CBFA2T3: variants seen among roughly 807,000 people sequenced by gnomAD.
The protein encoded by CBFA2T3 is transcriptional corepressor CBFA2T3.
Under a neutral mutation model 58.6 loss-of-function variants are expected in CBFA2T3, and 31 were observed. That is an observed-to-expected ratio of 0.53 (90% CI 0.40 to 0.71). The LOEUF is 0.71. CBFA2T3 is among the 30% of genes least tolerant of loss of function. The pLI is 0.00. For missense variants in CBFA2T3, 1,076 were observed against 963.1 expected (o/e 1.12, Z -1.55); for synonymous variants, 531 against 421.9 (o/e 1.26, Z -3.17).
intron 1 of CBFA2T3, among the ~76,000 whole-genome samples, chr16:88,906,330 G>A (rs530076015): frequency 4.6e-5 from 7 of 152,122 alleles, no homozygotes; most frequent in African/African-American, 7.2e-5. Flanking sequence ...GACCCACTTC[G>A]AGGCTCGGAG....
intron 1 of CBFA2T3, among the ~76,000 whole-genome samples, chr16:88,926,366 G>C (rs555493422): frequency 6.6e-6 from 1 of 152,212 alleles, no homozygotes; most frequent in East Asian, 1.9e-4. Flanking sequence ...CAAGCGCTCC[G>C]AGGGACCTGG....
chr16:88,883,107 C>G (rs1218396102), intron 7 of CBFA2T3, among the ~76,000 whole-genome samples: 1 of 152,168 alleles, frequency 6.6e-6, no homozygotes, highest in Non-Finnish European at 1.5e-5. Context: ...GGGTGTGGAC[C>G]GAGGCTGGCT....
At chr16:88,924,889 G>C (rs892118789) in intron 1 of CBFA2T3, among the ~76,000 whole-genome samples, 1 of 152,212 alleles carries the variant, frequency 6.6e-6, no homozygotes, top group African/African-American at 2.4e-5. Context: ...CCACCTCACT[G>C]AGTGCTCTCT....
chr16:88,892,551 A>G (rs1403911759), intron 3 of CBFA2T3, 66 bp from the exon 4 acceptor site: 5 of 1,571,008 alleles, frequency 3.2e-6, no homozygotes, highest in African/African-American at 2.7e-5. Flanking sequence ...GACGGCGGCG[A>G]CAGTGAGGGA....
chr16:88,881,319 G>A lies in CBFA2T3; in HGVS notation c.1374C>T (p.Ser458=). 2 of 1,589,126 alleles carry A rather than the reference G, an allele frequency of 1.3e-6. No homozygotes were observed. The highest frequency in any genetic ancestry group is 1.7e-6 in the Non-Finnish European group (2 of 1,168,784). Residue 458 remains serine (S), a synonymous_variant, in exon 9 of 12, where the codon AGC becomes AGT. Transcript: ENST00000268679. ...GCTGAGGCCCTTCGGGACCGGCGGA[G>A]CTGCTGCGGGGCCGGGCCGCGGCGG... is the stretch of plus-strand genomic sequence containing the variant. ...PAPAAARPRS[S]SAGPEGPQLD...
chr16:88,916,089 CAT>C (rs1423601917), intron 1 of CBFA2T3, among the ~76,000 whole-genome samples: 3 of 151,004 alleles, frequency 2.0e-5, no homozygotes, highest in African/African-American at 7.3e-5. Flanking sequence ...TGTGTGTATT[CAT>C]GTGTGTGCAT....
Position 88,879,287 on chromosome 16 carries a change from G to C in CBFA2T3, c.1645C>G (p.Gln549Glu). The change falls in exon 11 of 12, where the codon CAG becomes GAG. Residue 549 changes from glutamine to glutamate, a missense_variant. Physicochemically the swap from Gln to Glu is conservative, Grantham distance 29 (BLOSUM62 2). Transcript: ENST00000268679. ...SEDALTVINQ[Q>E]EDSSESCWNC... The stretch of plus-strand genomic sequence containing the variant: ...GGCCCTACCTCGCTGGAGTCCTCCT[G>C]CTGGTTGATGACCGTCAGGGCGTCC... 6.2e-7 allele frequency: 1 copy of C among 1,600,918 alleles called. No homozygotes were observed. Among genetic ancestry groups the C allele is most frequent in the Non-Finnish European group, 8.5e-7 (1 of 1,173,210 alleles).
At chr16:88,903,109 C>T (rs908460291) in intron 1 of CBFA2T3, among the ~76,000 whole-genome samples, 11 of 152,206 alleles carry the variant, frequency 7.2e-5, no homozygotes, top group Admixed American at 3.9e-4. Flanking sequence ...TCCCCATTCC[C>T]GGGGCCCCAG....
chr16:88,912,458 G>T (rs775060936), intron 1 of CBFA2T3, among the ~76,000 whole-genome samples: 17 of 152,158 alleles, frequency 1.1e-4, no homozygotes, highest in African/African-American at 3.6e-4. Flanking sequence ...TACTTCCCTC[G>T]ATCTCTGCAT....
intron 1 of CBFA2T3, among the ~76,000 whole-genome samples, chr16:88,929,931 A>C (rs71395342): frequency 6.9e-5 from 10 of 145,540 alleles, no homozygotes; most frequent in African/African-American, 2.4e-4. Flanking sequence ...AAAAGCTACC[A>C]ATACCCACAG....
chr16:88,934,019 A>G (rs150549590), intron 1 of CBFA2T3, among the ~76,000 whole-genome samples: 2 of 152,266 alleles, frequency 1.3e-5, no homozygotes, highest in Admixed American at 6.5e-5. Context: ...CACTGGGTTA[A>G]GTAAGATTAT....
intron 1 of CBFA2T3, among the ~76,000 whole-genome samples, chr16:88,913,108 T>G (rs1239139860): frequency 6.6e-6 from 1 of 152,248 alleles, no homozygotes; most frequent in Non-Finnish European, 1.5e-5. Context: ...GGATCTGGGC[T>G]GGCCGGGGGA....
At chr16:88,887,855 G>C (rs1969443991) in intron 5 of CBFA2T3, among the ~76,000 whole-genome samples, 1 of 152,174 alleles carries the variant, frequency 6.6e-6, no homozygotes, top group African/African-American at 2.4e-5. Context: ...TGGGCGCTCA[G>C]GCTGGGGAAC....
chr16:88,969,038 G>A (rs1972583398), intron 1 of CBFA2T3, among the ~76,000 whole-genome samples: 1 of 152,202 alleles, frequency 6.6e-6, no homozygotes, highest in Admixed American at 6.5e-5. Context: ...GCCCCAGTGT[G>A]CGGCCTGGTG....
Position 88,901,447 on chromosome 16 carries a change from A to C in CBFA2T3, c.304+57T>G, listed in dbSNP as rs778575169. ...GGCAGGAAGCTCAGAATTTCAAACA[A>C]CACAAGGGCCTCCCCTGAAACACCT... On this transcript the variant is annotated intron_variant, in intron 2 of 11. Transcript: ENST00000268679. 82 of 930,520 alleles carry C rather than the reference A, an allele frequency of 8.8e-5. No homozygotes were observed. The South Asian group carries it at 1.5e-3, about 17-fold the overall frequency. The allele number at this position is 930,520 out of a possible 1,614,324, so 57.6% of individuals were successfully genotyped here. A position where few individuals can be genotyped will look rare whatever the true frequency, so the allele number is the denominator to read the frequency against.
chr16:88,927,177 G>A (rs1197487019), intron 1 of CBFA2T3, among the ~76,000 whole-genome samples: 1 of 152,220 alleles, frequency 6.6e-6, no homozygotes, highest in Non-Finnish European at 1.5e-5. Context: ...TTTGTCGAGG[G>A]AATGAACGGG....
At chr16:88,904,835 C>T (rs1970242053) in intron 1 of CBFA2T3, among the ~76,000 whole-genome samples, 1 of 152,190 alleles carries the variant, frequency 6.6e-6, no homozygotes, top group Non-Finnish European at 1.5e-5. Flanking sequence ...CCTCTCTGAG[C>T]CTCACTTTCC....
chr16:88,954,511 T>C (rs1426815027), intron 1 of CBFA2T3, among the ~76,000 whole-genome samples: 57 of 81,798 alleles, frequency 7.0e-4, no homozygotes, highest in African/African-American at 2.9e-3. Context: ...GCTCCTGACC[T>C]CAGCCAAGGC....
At chr16:88,897,556 G>A (rs745735544) in intron 3 of CBFA2T3, among the ~76,000 whole-genome samples, 7 of 152,218 alleles carry the variant, frequency 4.6e-5, no homozygotes, top group African/African-American at 7.2e-5. Context: ...GCATGTGCCC[G>A]GCCCCACCAT....
Sources: allele counts gnomAD v4.1 joint callset (sites outside exome capture counted in the v4.1 genomes callset), GRCh38; gene constraint gnomAD v4.1.1; transcripts MANE v1.5; gene names NCBI Gene and HGNC (gene_info 2026-07-23, HGNC 2026-07-21).